The following DSE variants were observed in gnomAD, a reference collection of about 807,000 sequenced individuals.
DSE encodes the protein dermatan sulfate epimerase.
Under a neutral mutation model 84.4 loss-of-function variants are expected in DSE, and 36 were observed. The ratio of observed to expected loss-of-function variants is 0.43; its 90% CI spans 0.33 to 0.56. The LOEUF (loss-of-function observed/expected upper bound fraction) is 0.56, where lower values mean the gene tolerates loss of function less well. Among genes scored for constraint, DSE ranks in the 20% least tolerant of loss-of-function variants. The pLI, the probability that DSE is intolerant of heterozygous loss-of-function variation, is 0.06. For missense variants in DSE, 862 were observed against 1,169.6 expected (o/e 0.74, Z 3.84); for synonymous variants, 410 against 430.1 (o/e 0.95, Z 0.58).
chr6:116,347,997 A>T (rs888971145), intron 2 of DSE, among the ~76,000 whole-genome samples: 36 of 152,256 alleles, frequency 2.4e-4, no homozygotes, highest in Non-Finnish European at 3.2e-4. Flanking sequence ...ATGTGAACAG[A>T]CACTTCTCAA....
In DSE at chr6:116,438,657, A is replaced by G. The variant is rs1419976238; in HGVS notation, c.*1312A>G. The G allele has an allele frequency of 1.3e-5, 2 of 152,182 alleles. No homozygotes were observed. The highest frequency in any genetic ancestry group is 4.8e-5 in the African/African-American group (2 of 41,456). 9.4% of individuals were successfully genotyped at this position (152,182 alleles called of 1,614,324 possible). A position where few individuals can be genotyped will look rare whatever the true frequency, so the allele number is the denominator to read the frequency against. On this transcript the variant is annotated 3_prime_UTR_variant, in exon 6 of 6. Transcript: ENST00000644252. ...ATCATACATTCAGCATATTTGAGTC[A>G]TATATTTCTCCTTTGAAACAAAATA... is the stretch of plus-strand genomic sequence containing the variant.
intron 3 of DSE, among the ~76,000 whole-genome samples, chr6:116,428,929 T>G (rs1783625883): frequency 6.6e-6 from 1 of 152,194 alleles, no homozygotes; most frequent in South Asian, 2.1e-4. Flanking sequence ...TATCAGTACC[T>G]TGTATTCACA....
At chr6:116,395,390 A>C (rs1467440537) in intron 1 of DSE, among the ~76,000 whole-genome samples, 4 of 151,826 alleles carry the variant, frequency 2.6e-5, no homozygotes, top group Non-Finnish European at 4.4e-5. Context: ...GGGCCACTGC[A>C]CTCCAGCCTG....
intron 2 of DSE, among the ~76,000 whole-genome samples, chr6:116,313,869 T>C (rs1775828605): frequency 1.3e-5 from 2 of 152,092 alleles, no homozygotes; most frequent in South Asian, 4.1e-4. Context: ...GTAACAAGAG[T>C]TTTAGGACTC....
At chr6:116,280,952 C>G (rs2882593) in intron 2 of DSE, among the ~76,000 whole-genome samples, 46,094 of 152,144 alleles carry the variant, frequency 0.3, 7,615 homozygotes, top group East Asian at 0.65. Flanking sequence ...GTGGTAGTAG[C>G]CTGATGGCCC....
chr6:116,405,041 A>G (rs1449415430), intron 2 of DSE, among the ~76,000 whole-genome samples: 12 of 151,686 alleles, frequency 7.9e-5, no homozygotes, highest in Non-Finnish European at 1.3e-4. Context: ...TGTGATTGCA[A>G]ACTTCTGGAT....
rs1783962405 is a variant in DSE, at chr6:116,433,359, G to T, written c.927G>T (p.Val309=). Residue 309 remains valine, a synonymous_variant, in exon 5 of 6, where the codon GTG becomes GTT. Coordinates refer to ENST00000644252, the MANE Select transcript of DSE (RefSeq NM_013352.4). ...TTTCCCTAGGGTTTCAAAGGACTGT[G>T]GCTATTGCGGACTCAAATTACAACT... ...RTILPGFQRT[V]AIADSNYNWF... The T allele has an allele frequency of 6.4e-7, 1 of 1,551,122 alleles. No homozygotes were observed. Among genetic ancestry groups the T allele is most frequent in the African/African-American group, 1.4e-5 (1 of 73,014 alleles).
At chr6:116,411,243 T>A (rs1328385012) in intron 2 of DSE, among the ~76,000 whole-genome samples, 1 of 152,212 alleles carries the variant, frequency 6.6e-6, no homozygotes, top group Non-Finnish European at 1.5e-5. Context: ...ACAATATATA[T>A]CCTTTCTGTT....
chr6:116,254,769 T>C (rs1051252841), intron 1 of DSE: 1 of 152,898 alleles, frequency 6.5e-6, no homozygotes, highest in Non-Finnish European at 1.5e-5. Flanking sequence ...ATTTAGGCTT[T>C]TAAGCATTAC....
intron 2 of DSE, among the ~76,000 whole-genome samples, chr6:116,419,538 A>C (rs1240654441): frequency 6.6e-6 from 1 of 152,190 alleles, no homozygotes; most frequent in Non-Finnish European, 1.5e-5. Flanking sequence ...AGTTGACCTA[A>C]TTCTGGCCTA....
At position 116,412,772 on chromosome 6, in the gene DSE, A is replaced by G. The variant is rs564095551; in HGVS notation, c.416+13106A>G. 7.2e-5 allele frequency: 11 copies of G among 152,048 alleles called. No individual in the cohort carries two copies. In the East Asian group the frequency reaches 7.7e-4, roughly 11 times the overall value. 9.4% of individuals were successfully genotyped at this position (152,048 alleles called of 1,614,324 possible). A position where few individuals can be genotyped will look rare whatever the true frequency, so the allele number is the denominator to read the frequency against. On this transcript the variant is annotated intron_variant, in intron 2 of 5. Coordinates refer to ENST00000644252, the MANE Select transcript of DSE (RefSeq NM_013352.4). Reference sequence around the variant, plus strand: ...AGTATGTATATTGTGTGATGCTGCAATTTGGGATTCAATTTATCCTGACAC... The same window carrying G: ...AGTATGTATATTGTGTGATGCTGCAGTTTGGGATTCAATTTATCCTGACAC...
intron 2 of DSE, among the ~76,000 whole-genome samples, chr6:116,318,464 T>C (rs1776118417): frequency 6.6e-6 from 1 of 151,526 alleles, no homozygotes; most frequent in Non-Finnish European, 1.5e-5. Context: ...GATGCACCAC[T>C]GCGCTCCAGG....
intron 2 of DSE, among the ~76,000 whole-genome samples, chr6:116,337,385 G>T (rs1399819597): frequency 1.3e-5 from 2 of 152,240 alleles, no homozygotes; most frequent in African/African-American, 4.8e-5. Flanking sequence ...GCCGAGGCAG[G>T]TGGATCACGA....
chr6:116,371,387 C>G (rs969415656), intron 1 of DSE, among the ~76,000 whole-genome samples: 1 of 152,226 alleles, frequency 6.6e-6, no homozygotes, highest in Non-Finnish European at 1.5e-5. Context: ...CTCCCCACCC[C>G]CTTGAACGCC....
intron 2 of DSE, among the ~76,000 whole-genome samples, chr6:116,360,097 G>A (rs1341434018): frequency 1.3e-5 from 2 of 152,090 alleles, no homozygotes; most frequent in African/African-American, 2.4e-5. Flanking sequence ...GCAAACTAAC[G>A]CAGGAACAGA....
chr6:116,299,038 T>A (rs140989212), intron 2 of DSE, among the ~76,000 whole-genome samples: 20 of 152,360 alleles, frequency 1.3e-4, no homozygotes, highest in African/African-American at 4.8e-4. Flanking sequence ...TCTCTTAGTT[T>A]AGAAACAAGT....
chr6:116,381,458 C>G (rs1440041111), intron 1 of DSE, among the ~76,000 whole-genome samples: 2 of 152,054 alleles, frequency 1.3e-5, no homozygotes, highest in African/African-American at 4.8e-5. Context: ...AAAATGGTGA[C>G]TTTATGATTT....
intron 2 of DSE, among the ~76,000 whole-genome samples, chr6:116,295,187 G>A (rs1774584491): frequency 1.3e-5 from 2 of 152,156 alleles, no homozygotes; most frequent in Non-Finnish European, 2.9e-5. Context: ...GCTAGGACTT[G>A]AAGGCAGAAG....
intron 2 of DSE, among the ~76,000 whole-genome samples, chr6:116,338,214 T>C (rs1453115863): frequency 7.2e-6 from 1 of 138,010 alleles, no homozygotes; most frequent in African/African-American, 2.8e-5. Flanking sequence ...CCTTCTTTCT[T>C]CTTTCTTTTT....
Sources: allele counts gnomAD v4.1 joint callset (sites outside exome capture counted in the v4.1 genomes callset), GRCh38; gene constraint gnomAD v4.1.1; transcripts MANE v1.5; gene names NCBI Gene and HGNC (gene_info 2026-07-23, HGNC 2026-07-21).